The following PPP2R2B variants were observed in gnomAD, a reference collection of about 807,000 sequenced individuals.
The protein encoded by PPP2R2B is protein phosphatase 2 regulatory subunit Bbeta.
PPP2R2B carries 5 observed loss-of-function variants against 46.0 expected under a neutral mutation model. The observed-to-expected ratio is 0.11, with a 90% CI of 0.06 to 0.23. The LOEUF (loss-of-function observed/expected upper bound fraction) is 0.23, where lower values mean the gene tolerates loss of function less well. Ranked by LOEUF, PPP2R2B falls within the 10% of genes least tolerant of loss-of-function variation. The pLI, the probability that PPP2R2B is intolerant of heterozygous loss-of-function variation, is 1.00. For synonymous variants in PPP2R2B, 215 were observed against 206.7 expected, an observed-to-expected ratio of 1.04 and a Z score of -0.34; for missense variants, 367 against 575.0, an observed-to-expected ratio of 0.64 and a Z score of 3.70.
At chr5:147,059,543 G>A (rs1229015576), upstream of PPP2R2B, among the ~76,000 whole-genome samples, 2 of 152,122 alleles carry the variant, frequency 1.3e-5, no homozygotes, top group African/African-American at 4.8e-5. Context: ...GAGCTCAAGA[G>A]CAGAAAGAGG....
intron 1 of PPP2R2B, among the ~76,000 whole-genome samples, chr5:147,022,946 G>T (rs1449790369): frequency 6.6e-5 from 10 of 152,028 alleles, no homozygotes; most frequent in African/African-American, 2.4e-4. Context: ...TCATGCATAA[G>T]ATTTTAGATG....
At chr5:146,734,284 C>T (rs1178564613) in intron 2 of PPP2R2B, among the ~76,000 whole-genome samples, 8 of 151,918 alleles carry the variant, frequency 5.3e-5, no homozygotes, top group South Asian at 4.2e-4. Context: ...CTTGAACTCC[C>T]GGGCTCAAGA....
intron 1 of PPP2R2B, among the ~76,000 whole-genome samples, chr5:146,977,382 T>C (rs1752959925): frequency 6.6e-6 from 1 of 151,990 alleles, no homozygotes; most frequent in Non-Finnish European, 1.5e-5. Context: ...ATATTATTAT[T>C]ATTATTATTA....
At chr5:146,900,094 G>C (rs1290452572) in intron 1 of PPP2R2B, among the ~76,000 whole-genome samples, 5 of 152,160 alleles carry the variant, frequency 3.3e-5, no homozygotes, top group African/African-American at 9.7e-5. Context: ...GCTGGGGCTG[G>C]GGAACCGGAA....
intron 2 of PPP2R2B, among the ~76,000 whole-genome samples, chr5:146,730,654 AG>A (rs1280159070): frequency 6.6e-6 from 1 of 152,152 alleles, no homozygotes; most frequent in Non-Finnish European, 1.5e-5. Context: ...TGGGTTTATC[AG>A]GGGTTTTCAC....
intron 2 of PPP2R2B, among the ~76,000 whole-genome samples, chr5:146,796,784 C>T (rs1388238003): frequency 1.3e-5 from 2 of 152,152 alleles, no homozygotes; most frequent in East Asian, 3.9e-4. Context: ...GCTTCTAAGT[C>T]TGGCCAGGAA....
intron 2 of PPP2R2B, among the ~76,000 whole-genome samples, chr5:146,728,310 T>C (rs182771665): frequency 1.3e-5 from 2 of 152,278 alleles, no homozygotes; most frequent in African/African-American, 2.4e-5. Flanking sequence ...GTGACTCCTA[T>C]AAACAGAATA....
intron 7 of PPP2R2B, among the ~76,000 whole-genome samples, chr5:146,631,944 C>T (rs540223359): frequency 6.6e-6 from 1 of 152,234 alleles, no homozygotes; most frequent in South Asian, 2.1e-4. Flanking sequence ...TCAACATCAG[C>T]ACCTGCCCAG....
chr5:146,771,727 T>C (rs1411744056), intron 2 of PPP2R2B, among the ~76,000 whole-genome samples: 1 of 152,212 alleles, frequency 6.6e-6, no homozygotes, highest in Non-Finnish European at 1.5e-5. Flanking sequence ...CAAACAATTT[T>C]TCTATTTTTC....
At chr5:146,718,217 A>C (rs1159480779) in intron 2 of PPP2R2B, among the ~76,000 whole-genome samples, 1 of 151,940 alleles carries the variant, frequency 6.6e-6, no homozygotes, top group African/African-American at 2.4e-5. Context: ...TTCTAATCCT[A>C]TCTCTACAAA....
At chr5:146,834,052 G>A (rs931108879) in intron 2 of PPP2R2B, among the ~76,000 whole-genome samples, 7 of 152,012 alleles carry the variant, frequency 4.6e-5, no homozygotes, top group Admixed American at 4.6e-4. Context: ...ATTAAACTAT[G>A]GATTGTCTAA....
chr5:146,753,867 A>C (rs538407880), intron 2 of PPP2R2B, among the ~76,000 whole-genome samples: 8 of 152,226 alleles, frequency 5.3e-5, no homozygotes, highest in Admixed American at 2.0e-4. Context: ...CTGAATCTCC[A>C]GGGGCAACTT....
upstream of PPP2R2B, among the ~76,000 whole-genome samples, chr5:146,882,933 G>GT (rs993760573): frequency 2.6e-5 from 4 of 152,144 alleles, no homozygotes; most frequent in Non-Finnish European, 4.4e-5. Flanking sequence ...GGATACATTC[G>GT]TTTTTTTAAC....
chr5:147,036,294 C>T (rs1756031856), intron 1 of PPP2R2B, among the ~76,000 whole-genome samples: 1 of 152,112 alleles, frequency 6.6e-6, no homozygotes, highest in Admixed American at 6.5e-5. Context: ...TGCTAGTTTG[C>T]CAAGGATAAT....
chr5:146,729,958 G>A (rs1056471573), intron 2 of PPP2R2B, among the ~76,000 whole-genome samples: 2 of 152,212 alleles, frequency 1.3e-5, no homozygotes, highest in Non-Finnish European at 2.9e-5. Context: ...TGTGAAAAGA[G>A]GGCCACCATC....
chr5:147,055,578 G>A lies in PPP2R2B; in HGVS notation c.79+87C>T, dbSNP rs567319194. 3.3e-4 allele frequency: 392 copies of A among 1,189,664 alleles called. 7 individuals are homozygous for A. In the South Asian group the frequency reaches 4.6e-3, roughly 14 times the overall value. The allele number at this position is 1,189,664 out of a possible 1,614,324, so 73.7% of individuals were successfully genotyped here. The stretch of plus-strand genomic sequence containing the variant: ...GAATGACAGTCACCTAGTAGCTACA[G>A]AAAGCAGCATCAGCAGAACCCGTGG... On this transcript the variant is annotated intron_variant, in intron 1 of 8. Coordinates refer to the PPP2R2B transcript ENST00000336640.
intron 2 of PPP2R2B, among the ~76,000 whole-genome samples, chr5:146,840,234 T>C (rs1334627623): frequency 8.6e-6 from 1 of 116,744 alleles, no homozygotes; most frequent in South Asian, 4.0e-4. Flanking sequence ...TGAATATACA[T>C]AACAAACATT....
intron 2 of PPP2R2B, among the ~76,000 whole-genome samples, chr5:146,815,735 C>T (rs921082389): frequency 4.6e-5 from 7 of 152,244 alleles, no homozygotes; most frequent in East Asian, 1.9e-4. Context: ...CACACACACA[C>T]ACTTTAGGAA....
intron 1 of PPP2R2B, among the ~76,000 whole-genome samples, chr5:146,951,006 G>C (rs545705954): frequency 6.6e-6 from 1 of 152,026 alleles, no homozygotes; most frequent in Non-Finnish European, 1.5e-5. Context: ...GTAGAGATAA[G>C]GTCAAGCATC....
Sources: allele counts gnomAD v4.1 joint callset (sites outside exome capture counted in the v4.1 genomes callset), GRCh38; gene constraint gnomAD v4.1.1; transcripts MANE v1.5; gene names NCBI Gene and HGNC (gene_info 2026-07-23, HGNC 2026-07-21).